The following MAOA variants were observed in gnomAD, a reference collection of about 807,000 sequenced individuals.
MAOA encodes the protein monoamine oxidase A, also known as amine oxidase [flavin-containing] A.
Under a neutral mutation model 42.0 loss-of-function variants are expected in MAOA, and 6 were observed. That is an observed-to-expected ratio of 0.14 (90% CI 0.08 to 0.28). MAOA has a LOEUF of 0.28. Among genes scored for constraint, MAOA ranks in the 10% least tolerant of loss-of-function variants. The pLI is 1.00. For missense variants in MAOA, 262 were observed against 422.3 expected (o/e 0.62, Z 3.33); for synonymous variants, 140 against 154.0 (o/e 0.91, Z 0.67).
intron 3 of MAOA, among the ~76,000 whole-genome samples, chrX:43,697,070 T>C (rs2033585854): frequency 8.9e-6 from 1 of 112,372 alleles, no homozygotes; most frequent in Non-Finnish European, 1.9e-5. Flanking sequence ...CTCCATTATC[T>C]TACTTAACCC....
intron 2 of MAOA, among the ~76,000 whole-genome samples, chrX:43,687,863 A>G (rs1227444987): frequency 8.9e-6 from 1 of 112,785 alleles, no homozygotes; most frequent in Non-Finnish European, 1.9e-5. Flanking sequence ...CCTTCAAAAC[A>G]TATCCAGAAT....
chrX:43,658,004 T>C, intron 1 of MAOA: 1 of 602,595 alleles, frequency 1.7e-6, no homozygotes, highest in Non-Finnish European at 2.0e-6. Flanking sequence ...TGTTTCTCTT[T>C]ATTTATTTAT....
intron 1 of MAOA, among the ~76,000 whole-genome samples, chrX:43,681,422 C>T (rs2033441481): frequency 1.8e-5 from 2 of 111,064 alleles, no homozygotes; most frequent in African/African-American, 6.5e-5. Flanking sequence ...TGCTTCTCAG[C>T]AACTCAAGCC....
intron 2 of MAOA, among the ~76,000 whole-genome samples, chrX:43,686,955 A>G (rs184742124): frequency 2.6e-4 from 29 of 111,921 alleles, no homozygotes; most frequent in Non-Finnish European, 4.7e-4. Context: ...TCTGAGTACC[A>G]GAATGTCAAA....
At position 43,746,403 on chromosome X, in the gene MAOA, A is replaced by C. The variant is rs1264450386; in HGVS notation, c.*1890A>C. 8.9e-6 allele frequency: 1 copy of C among 111,991 alleles called. No individual in the cohort carries two copies. Among genetic ancestry groups the C allele is most frequent in the Non-Finnish European group, 1.9e-5 (1 of 53,226 alleles). 9.2% of individuals were successfully genotyped at this position (111,991 alleles called of 1,213,427 possible). A position where few individuals can be genotyped will look rare whatever the true frequency, so the allele number is the denominator to read the frequency against. ...CACGAAATTGGAGCTGAGGACTCTC[A>C]CGATATGCAAGTTCATCCAACGTGA... On this transcript the variant is annotated 3_prime_UTR_variant, in exon 15 of 15. Transcript: ENST00000338702.
At chrX:43,691,098 T>A (rs948191533) in intron 2 of MAOA, among the ~76,000 whole-genome samples, 1 of 111,261 alleles carries the variant, frequency 9.0e-6, no homozygotes, top group Non-Finnish European at 1.9e-5. Flanking sequence ...AAATACGAGA[T>A]CAGAGCCAGA....
At chrX:43,658,231 T>C (rs777603730) in intron 1 of MAOA, among the ~76,000 whole-genome samples, 1 of 111,614 alleles carries the variant, frequency 9.0e-6, no homozygotes, top group South Asian at 3.8e-4. Context: ...TTCAGAGTTC[T>C]TTCTGGGATT....
chrX:43,687,982 G>T (rs5905809), intron 2 of MAOA, among the ~76,000 whole-genome samples: 1 of 111,338 alleles, frequency 9.0e-6, no homozygotes, highest in Non-Finnish European at 1.9e-5. Context: ...TACTCCTGCC[G>T]CCTACATTCT....
chrX:43,697,706 G>A (rs937378418), intron 3 of MAOA, among the ~76,000 whole-genome samples: 5 of 111,521 alleles, frequency 4.5e-5, no homozygotes, highest in Non-Finnish European at 9.4e-5. Flanking sequence ...AAAAGTAGTG[G>A]GTTGGTTAAA....
intron 1 of MAOA, among the ~76,000 whole-genome samples, chrX:43,656,786 C>T (rs1364335252): frequency 9.0e-6 from 1 of 110,563 alleles, no homozygotes; most frequent in African/African-American, 3.3e-5. Flanking sequence ...GTTTCAATAA[C>T]TCTCTTGAGG....
At chrX:43,721,003 G>A (rs1406823457) in intron 5 of MAOA, among the ~76,000 whole-genome samples, 1 of 110,762 alleles carries the variant, frequency 9.0e-6, no homozygotes, top group African/African-American at 3.3e-5. Context: ...GTATGTTTTG[G>A]GGGCAATGGT....
intron 2 of MAOA, among the ~76,000 whole-genome samples, chrX:43,684,874 C>CTTTTTTTTT (rs201207592): frequency 6.2e-4 from 37 of 59,492 alleles, no homozygotes; most frequent in East Asian, 1.5e-3. Context: ...CTTTTCTTTT[C>CTTTTTTTTT]TTTTTTTTTT....
chrX:43,661,278 A>T (rs192683986), intron 1 of MAOA, among the ~76,000 whole-genome samples: 223 of 111,967 alleles, frequency 2.0e-3, no homozygotes, highest in African/African-American at 6.8e-3. Flanking sequence ...TACATAAGGT[A>T]CTTCTATCTT....
chrX:43,671,030 A>G (rs2033328243), intron 1 of MAOA, among the ~76,000 whole-genome samples: 1 of 103,643 alleles, frequency 9.6e-6, no homozygotes, highest in African/African-American at 3.6e-5. Context: ...GACTTCCACA[A>G]GGGTTGAACT....
chrX:43,693,489 G>T lies in MAOA; in HGVS notation c.306+61G>T, dbSNP rs1423816699. The T allele has an allele frequency of 3.5e-6, 4 of 1,149,876 alleles. No individual in the cohort carries two copies. In the African/African-American group the frequency reaches 7.1e-5, roughly 21 times the overall value. 94.8% of individuals were successfully genotyped at this position (1,149,876 alleles called of 1,213,427 possible). Reference sequence around the variant, plus strand: ...AAGCATTTTATTTGAGAAAACATTTGGTTTGTTTTTAGTTATTTTTCTTTC... The same window carrying T: ...AAGCATTTTATTTGAGAAAACATTTTGTTTGTTTTTAGTTATTTTTCTTTC... On this transcript the variant is annotated intron_variant, in intron 3 of 14. Transcript: ENST00000338702.
At chrX:43,723,842 G>C (rs1196109037) in intron 5 of MAOA, among the ~76,000 whole-genome samples, 1 of 111,622 alleles carries the variant, frequency 9.0e-6, no homozygotes, top group East Asian at 2.8e-4. Context: ...TTATTATTTT[G>C]AGATACGTTC....
At chrX:43,738,881 C>T (rs180919504) in intron 10 of MAOA, among the ~76,000 whole-genome samples, 2 of 111,385 alleles carry the variant, frequency 1.8e-5, no homozygotes, top group Admixed American at 9.5e-5. Flanking sequence ...TAATCATTGC[C>T]GATACTTTCA....
chrX:43,706,349 T>A (rs910381945), intron 3 of MAOA, among the ~76,000 whole-genome samples: 3 of 112,385 alleles, frequency 2.7e-5, no homozygotes, highest in African/African-American at 9.7e-5. Context: ...ACTATTTTTT[T>A]AAAAAACTCT....
At chrX:43,705,220 T>C (rs2033650697) in intron 3 of MAOA, among the ~76,000 whole-genome samples, 1 of 112,357 alleles carries the variant, frequency 8.9e-6, no homozygotes, top group African/African-American at 3.2e-5. Flanking sequence ...GCTAGTGTGC[T>C]AAAACAATGT....
Sources: allele counts gnomAD v4.1 joint callset (sites outside exome capture counted in the v4.1 genomes callset), GRCh38; gene constraint gnomAD v4.1.1; transcripts MANE v1.5; gene names NCBI Gene and HGNC (gene_info 2026-07-23, HGNC 2026-07-21).